MED12: variants seen among roughly 807,000 people sequenced by gnomAD.
MED12 encodes the protein mediator of RNA polymerase II transcription subunit 12.
Under a neutral mutation model 177.7 loss-of-function variants are expected in MED12, and 10 were observed. That is an observed-to-expected ratio of 0.06 (90% confidence interval 0.03 to 0.10). The LOEUF (loss-of-function observed/expected upper bound fraction) is 0.10, where lower values mean the gene tolerates loss of function less well. MED12 is among the 10% of genes least tolerant of loss of function. The pLI is 1.00. For synonymous variants in MED12, 641 were observed against 678.4 expected, an observed-to-expected ratio of 0.94 and a Z score of 0.86; for missense variants, 867 against 1,780.8, an observed-to-expected ratio of 0.49 and a Z score of 9.23.
intron 24 of MED12, 77 bp from the exon 25 acceptor site, chrX:71,129,037 C>T: frequency 1.0e-5 from 8 of 793,197 alleles, no homozygotes; most frequent in Non-Finnish European, 1.6e-5. Context: ...CACTTGCATG[C>T]ATGCAGGCAC....
intron 29 of MED12, 70 bp from the exon 30 acceptor site, chrX:71,132,003 C>T (rs2147813068): frequency 9.9e-7 from 1 of 1,006,601 alleles, no homozygotes; most frequent in Non-Finnish European, 1.4e-6. Context: ...TCTCCGATCT[C>T]TCCTACCATC....
At chrX:71,125,530 A>C in intron 16 of MED12, 35 bp downstream of exon 16, 1 of 1,204,545 alleles carries the variant, frequency 8.3e-7, no homozygotes, top group Non-Finnish European at 1.1e-6. Flanking sequence ...ATCTCCCCCA[A>C]AGAATGCCCT....
In MED12 at chrX:71,130,217, A is replaced by G. The variant is rs749396838; in HGVS notation, c.4047+3A>G. 8.3e-7 allele frequency: 1 copy of G among 1,203,335 alleles called. No individual in the cohort carries two copies. Among genetic ancestry groups the G allele is most frequent in the Non-Finnish European group, 1.1e-6 (1 of 891,163 alleles). ...AGCGCATAAAGCGCATTCTCCAGGT[A>G]GGCCAAGGCCGTGGGGGCTGTGGAG... On this transcript the variant is annotated splice_donor_region_variant and intron_variant, in intron 28 of 44. Coordinates refer to ENST00000374080, the MANE Select transcript of MED12 (RefSeq NM_005120.3).
In MED12 at chrX:71,124,482, AG is replaced by A. The variant is rs112629498; in HGVS notation, c.1974+100del. On this transcript the variant is annotated intron_variant, in intron 13 of 44. Transcript: ENST00000374080. ...TCTAAGAGCCTCTTTTGCCTGGGGG[AG>A]GGGGGTAGTATTTTTCTTAGCACTT... The A allele has an allele frequency of 3.8e-3, 2,538 of 673,572 alleles. 48 individuals carry two copies. In the African/African-American group the frequency reaches 0.049, roughly 13 times the overall value. 55.5% of individuals were successfully genotyped at this position (673,572 alleles called of 1,213,427 possible).
chrX:71,122,077 G>T (rs765392591), intron 7 of MED12, 123 bp from the exon 8 acceptor site: 23 of 957,084 alleles, frequency 2.4e-5, no homozygotes, highest in Non-Finnish European at 3.3e-5. Context: ...GTGGAGTGAT[G>T]CCTGTCTTGG....
intron 44 of MED12, 80 bp from the exon 45 acceptor site, chrX:71,142,095 C>T (rs1237756554): frequency 1.8e-6 from 2 of 1,120,146 alleles, no homozygotes; most frequent in East Asian, 3.0e-5. Flanking sequence ...CCCCTTCCCT[C>T]GATACCTGAA....
In MED12 at chrX:71,121,058, G is replaced by A. The variant is rs1261616099; in HGVS notation, c.641G>A (p.Gly214Asp). ...YYRPGPAGSG[G>D]CGSTIGPLPH... is the part of the protein sequence containing the mutation. ...CGGCCAGGGCCTGCAGGAAGTGGGG[G>A]CTGTGGTTCCACGATAGGGCCCTTG... Residue 214 changes from glycine (G) to aspartate (D), a missense_variant, in exon 5 of 45, where the codon GGC (glycine) becomes GAC (aspartate). Around this residue, in one of 14 missense-constraint regions of MED12, gnomAD observed 309 missense variants for 556.3 expected, o/e 0.56. Coordinates refer to ENST00000374080, the MANE Select transcript of MED12 (RefSeq NM_005120.3). The A allele has an allele frequency of 3.3e-6, 4 of 1,209,840 alleles. No individual in the cohort carries two copies. The highest frequency in any genetic ancestry group is 2.2e-5 in the Admixed American group (1 of 45,835).
At chrX:71,138,821 A>G (rs2092339279) in intron 41 of MED12, among the ~76,000 whole-genome samples, 1 of 111,958 alleles carries the variant, frequency 8.9e-6, no homozygotes, top group Non-Finnish European at 1.9e-5. Context: ...ACTACATGAT[A>G]AGGAGTCGTA....
rs56658066 is a variant in MED12 at position 71,132,767 on chromosome X, CCTCTTCTCTT to C, written c.4416-25_4416-16del. ...TCCCTTTTCTCCTCTCCTCTTCTCT[CCTCTTCTCTT>C]CTCTTCTCTTCTCTTCTCTTCTCTT... On this transcript the variant is annotated intron_variant, in intron 31 of 44. Coordinates refer to ENST00000374080, the MANE Select transcript of MED12 (RefSeq NM_005120.3). 10,951 of 652,215 alleles carry C rather than the reference CCTCTTCTCTT, an allele frequency of 0.017. 230 individuals carry two copies. The highest frequency in any genetic ancestry group is 0.091 in the African/African-American group (3,562 of 39,326). The allele number at this position is 652,215 out of a possible 1,213,427, so 53.7% of individuals were successfully genotyped here.
chrX:71,122,424 G>A lies in MED12; in HGVS notation c.1248+78G>A, dbSNP rs138456719. The A allele has an allele frequency of 1.1e-3, 1,306 of 1,183,117 alleles. 6 individuals carry two copies. In the African/African-American group the frequency reaches 0.021, roughly 19 times the overall value. ...ACTCTTTCAGAAGTAGTGATTTGGA[G>A]TCTAGTACTATTCTTCTAGCCTGGG... On this transcript the variant is annotated intron_variant, in intron 8 of 44. Transcript: ENST00000374080.
chrX:71,137,497 CAA>C (rs1190104246), intron 39 of MED12, 59 bp from the exon 40 acceptor site: 15 of 1,157,290 alleles, frequency 1.3e-5, no homozygotes, highest in East Asian at 3.0e-5. Context: ...GTGGGAGACA[CAA>C]GAGATGAGAT....
At chrX:71,125,798 AG>A in intron 17 of MED12, 85 bp downstream of exon 17, 1 of 871,475 alleles carries the variant, frequency 1.1e-6, no homozygotes. Context: ...TATTCCTTTA[AG>A]GTCCACATAG....
rs1430579412 is a variant in MED12 at position 71,139,617 on chromosome X, G to A, written c.6045-1018G>A. On this transcript the variant is annotated intron_variant, in intron 41 of 44. Coordinates refer to ENST00000374080, the MANE Select transcript of MED12 (RefSeq NM_005120.3). ...TGGAAGGTGCAAGAAGAAGACTTCA[G>A]GCCAGGCACGGTGGCTCATGCCTGT... 9.9e-5 allele frequency among the ~76,000 whole-genome samples: 11 copies of A among 111,040 alleles called. No individual in the cohort carries two copies. The East Asian group carries it at 3.1e-3, about 32-fold the overall frequency.
In MED12 at chrX:71,141,271, A is replaced by ACAGCAACAGCAGCAG; in HGVS notation, c.6321_6335dup (p.Gln2111_Gln2115dup). 1 of 1,158,688 alleles carries ACAGCAACAGCAGCAG rather than the reference A, an allele frequency of 8.6e-7. No individual in the cohort carries two copies. The highest frequency in any genetic ancestry group is 3.3e-5 in the East Asian group (1 of 30,682). Reference sequence around the variant, plus strand: ...AACAGCAGCAGCAGCAGCAGCAGCAACAGCAACAGCAGCAGCAGCAACAGC... The same window carrying ACAGCAACAGCAGCAG: ...AACAGCAGCAGCAGCAGCAGCAGCAACAGCAACAGCAGCAGCAGCAACAGCAGCAGCAGCAACAGC... On this transcript the variant is annotated inframe_insertion, in exon 43 of 45. Transcript: ENST00000374080.
intron 28 of MED12, among the ~76,000 whole-genome samples, chrX:71,131,198 G>A (rs765989605): frequency 9.1e-5 from 9 of 99,387 alleles, no homozygotes; most frequent in Non-Finnish European, 1.4e-4. Context: ...GTGCGATCTC[G>A]GCTCACTGCA....
chrX:71,138,619 A>G (rs1375972845), intron 41 of MED12, among the ~76,000 whole-genome samples: 2 of 110,036 alleles, frequency 1.8e-5, no homozygotes, highest in Non-Finnish European at 3.8e-5. Flanking sequence ...GCATGCCTGT[A>G]GTCCCAGCTA....
rs757629606 is a variant in MED12, at chrX:71,125,707, T to G, written c.2416T>G (p.Phe806Val). Residue 806 changes from phenylalanine to valine, a missense_variant, in exon 17 of 45, where the codon TTC becomes GTC. Coordinates refer to ENST00000374080, the MANE Select transcript of MED12 (RefSeq NM_005120.3). ...GCCTCTGAATCCTGGAGACCTGACATTCTTAGGTACCTCACAGTAAGCCCC... is the reference window on the plus strand; with the variant it reads ...GCCTCTGAATCCTGGAGACCTGACAGTCTTAGGTACCTCACAGTAAGCCCC... ...IVPLNPGDLTFLGGEDGQKRR... is the reference protein window; with the variant it reads ...IVPLNPGDLTVLGGEDGQKRR... 1 of 1,153,661 alleles carries G rather than the reference T, an allele frequency of 8.7e-7. No individual in the cohort carries two copies. The highest frequency in any genetic ancestry group is 1.8e-5 in the South Asian group (1 of 55,803).
rs2092289463 is a variant in MED12, at chrX:71,121,547, G to C, written c.847-15G>C. On this transcript the variant is annotated splice_polypyrimidine_tract_variant and intron_variant, in intron 6 of 44. Transcript: ENST00000374080. The stretch of plus-strand genomic sequence containing the variant: ...CTGGAGAGAACTAGGGGCTCTGATG[G>C]TCGTGTCTTCACAGTACTCTGGGGA... The C allele has an allele frequency of 8.3e-7, 1 of 1,209,474 alleles. No homozygotes were observed. Among genetic ancestry groups the C allele is most frequent in the African/African-American group, 1.8e-5 (1 of 57,018 alleles).
intron 29 of MED12, 65 bp from the exon 30 acceptor site, chrX:71,132,008 A>C: frequency 9.6e-7 from 1 of 1,037,345 alleles, no homozygotes; most frequent in Admixed American, 2.2e-5. Flanking sequence ...GATCTCTCCT[A>C]CCATCTGCTT....
Sources: allele counts gnomAD v4.1 joint callset (sites outside exome capture counted in the v4.1 genomes callset), GRCh38; gene constraint gnomAD v4.1.1; regional missense constraint gnomAD v4.1.1; transcripts MANE v1.5; gene names NCBI Gene and HGNC (gene_info 2026-07-23, HGNC 2026-07-21).